The following MAPKAP1 variants were observed in gnomAD, a reference collection of about 807,000 sequenced individuals.
MAPKAP1 encodes the protein target of rapamycin complex 2 subunit MAPKAP1.
Under a neutral mutation model 65.7 loss-of-function variants are expected in MAPKAP1, and 20 were observed. That is an observed-to-expected ratio of 0.30 (90% CI 0.21 to 0.44). The LOEUF is 0.44. Among genes scored for constraint, MAPKAP1 ranks in the 20% least tolerant of loss-of-function variants. The pLI is 1.00. For missense variants in MAPKAP1, 423 were observed against 648.0 expected (o/e 0.65, Z 3.77); for synonymous variants, 222 against 244.3 (o/e 0.91, Z 0.85).
At chr9:125,585,497 A>C in intron 5 of MAPKAP1, 58 bp downstream of exon 5, 1 of 1,579,244 alleles carries the variant, frequency 6.3e-7, no homozygotes, top group Non-Finnish European at 8.6e-7. Context: ...CCTAGAAGAC[A>C]CCTTGGGTGG....
At chr9:125,452,790 G>A (rs898212653) in intron 10 of MAPKAP1, among the ~76,000 whole-genome samples, 1 of 152,032 alleles carries the variant, frequency 6.6e-6, no homozygotes, top group African/African-American at 2.4e-5. Context: ...GGGAGGCTGA[G>A]GCACGAGAAT....
chr9:125,665,055 A>G (rs1486736567), intron 3 of MAPKAP1, among the ~76,000 whole-genome samples: 3 of 152,032 alleles, frequency 2.0e-5, no homozygotes, highest in Non-Finnish European at 4.4e-5. Flanking sequence ...TAATCCCAAC[A>G]CTTTGGGAGG....
chr9:125,694,546 T>C (rs936364092), intron 1 of MAPKAP1, among the ~76,000 whole-genome samples: 1 of 152,188 alleles, frequency 6.6e-6, no homozygotes, highest in Admixed American at 6.5e-5. Context: ...CAGAAAAGTA[T>C]GCATAATGCA....
At chr9:125,625,897 C>T (rs866907013) in intron 4 of MAPKAP1, among the ~76,000 whole-genome samples, 1 of 152,180 alleles carries the variant, frequency 6.6e-6, no homozygotes, top group Non-Finnish European at 1.5e-5. Flanking sequence ...AGTTTTAATC[C>T]TTCTTCTGTC....
At chr9:125,696,675 G>A (rs921573656) in intron 1 of MAPKAP1, among the ~76,000 whole-genome samples, 2 of 151,748 alleles carry the variant, frequency 1.3e-5, no homozygotes, top group African/African-American at 4.8e-5. Context: ...TGTAACTGAG[G>A]ACTTTCCAAT....
At chr9:125,596,132 C>A in intron 4 of MAPKAP1, 1 of 787,244 alleles carries the variant, frequency 1.3e-6, no homozygotes, top group East Asian at 2.4e-5. Context: ...TTGATGGCCA[C>A]GACTCCGTGG....
At chr9:125,554,222 T>A (rs1456605289) in intron 6 of MAPKAP1, among the ~76,000 whole-genome samples, 2 of 152,178 alleles carry the variant, frequency 1.3e-5, no homozygotes, top group African/African-American at 2.4e-5. Context: ...GGCACAAAGA[T>A]CTCTATGAAC....
At chr9:125,563,891 T>G (rs542289542) in intron 5 of MAPKAP1, among the ~76,000 whole-genome samples, 32 of 152,266 alleles carry the variant, frequency 2.1e-4, no homozygotes, top group African/African-American at 7.5e-4. Context: ...TTTTGTATTT[T>G]TAGTAGAGAC....
intron 3 of MAPKAP1, among the ~76,000 whole-genome samples, chr9:125,661,048 A>T (rs1834171184): frequency 6.6e-6 from 1 of 152,348 alleles, no homozygotes; most frequent in Non-Finnish European, 1.5e-5. Context: ...ACTGAACAAC[A>T]CACATAGAAA....
chr9:125,572,791 T>C (rs558552157), intron 5 of MAPKAP1: 8 of 152,364 alleles, frequency 5.3e-5, no homozygotes, highest in Admixed American at 3.3e-4. Context: ...TTTACTTATT[T>C]TGCTTTACTC....
intron 1 of MAPKAP1, among the ~76,000 whole-genome samples, chr9:125,688,713 T>C (rs1169112062): frequency 1.3e-5 from 2 of 152,032 alleles, no homozygotes; most frequent in Admixed American, 6.5e-5. Context: ...AATACAAAAA[T>C]TAGCTGGCCG....
At chr9:125,449,299 T>A (rs1047475483) in intron 10 of MAPKAP1, among the ~76,000 whole-genome samples, 4 of 152,180 alleles carry the variant, frequency 2.6e-5, no homozygotes, top group African/African-American at 9.6e-5. Context: ...CTGTCAGTGA[T>A]CTCTTATATG....
chr9:125,686,873 C>A (rs747260386), intron 1 of MAPKAP1, among the ~76,000 whole-genome samples: 5 of 151,864 alleles, frequency 3.3e-5, no homozygotes, highest in Admixed American at 2.6e-4. Context: ...GTTGCCCAGG[C>A]TGAGGTGCAG....
intron 4 of MAPKAP1, among the ~76,000 whole-genome samples, chr9:125,620,138 G>A (rs1832854345): frequency 6.6e-6 from 1 of 152,102 alleles, no homozygotes; most frequent in Admixed American, 6.6e-5. Context: ...GTGAAACCTC[G>A]CCTCTACTAA....
Position 125,506,374 on chromosome 9 carries a change from G to A in MAPKAP1, c.1002C>T (p.Ala334=). 7.4e-6 allele frequency: 12 copies of A among 1,614,112 alleles called. No homozygotes were observed. The highest frequency in any genetic ancestry group is 1.0e-5 in the Non-Finnish European group (12 of 1,180,028). Residue 334 remains alanine, a synonymous_variant, in exon 8 of 12, where the codon GCC becomes GCT. Transcript: ENST00000265960. ...TCTCCAAAGTGCTGTCCAGGTCAAC[G>A]GCGACATTGGGCTCGCTCTGCTTCT... ...RLEKQSEPNV[A]VDLDSTLESQ... is the part of the protein sequence containing the mutation.
chr9:125,533,139 G>A lies in MAPKAP1; in HGVS notation c.958+9920C>T, dbSNP rs898497486. On this transcript the variant is annotated intron_variant, in intron 7 of 11. Transcript: ENST00000265960. ...CTTTGGCAGGAAGTGAGGTGGGGACGAGCTGTATTCTAAACTATAGAGCAC... is the reference window on the plus strand; with the variant it reads ...CTTTGGCAGGAAGTGAGGTGGGGACAAGCTGTATTCTAAACTATAGAGCAC... Among the ~76,000 whole-genome samples, 19 of 152,132 alleles carry A rather than the reference G, an allele frequency of 1.2e-4. 1 individual carries two copies. Among genetic ancestry groups the A allele is most frequent in the Admixed American group, 9.2e-4 (14 of 15,280 alleles).
chr9:125,521,615 A>G, intron 7 of MAPKAP1: 1 of 1,505,986 alleles, frequency 6.6e-7, no homozygotes. Flanking sequence ...AGCTGTGGGG[A>G]ACAGACAGTA....
chr9:125,643,200 T>G (rs1833629137), intron 4 of MAPKAP1, among the ~76,000 whole-genome samples: 1 of 146,330 alleles, frequency 6.8e-6, no homozygotes, highest in South Asian at 2.2e-4. Flanking sequence ...ACGCCCAGCG[T>G]TTTTTTTTTG....
At chr9:125,575,802 T>C (rs971945779) in intron 5 of MAPKAP1, among the ~76,000 whole-genome samples, 1 of 152,212 alleles carries the variant, frequency 6.6e-6, no homozygotes, top group East Asian at 1.9e-4. Flanking sequence ...CAGTGTCTTA[T>C]ATCATAGGCT....
Sources: allele counts gnomAD v4.1 joint callset (sites outside exome capture counted in the v4.1 genomes callset), GRCh38; gene constraint gnomAD v4.1.1; transcripts MANE v1.5; gene names NCBI Gene and HGNC (gene_info 2026-07-23, HGNC 2026-07-21).